Variants in SCAMP4 observed in about 807,000 individuals in gnomAD.
SCAMP4 encodes the protein secretory carrier membrane protein 4.
In SCAMP4, 19 loss-of-function variants were observed where a neutral mutation model predicts 32.1. That is an observed-to-expected ratio of 0.59 (90% CI 0.41 to 0.87). SCAMP4 has a LOEUF of 0.87. Ranked by LOEUF, SCAMP4 falls within the 40% of genes least tolerant of loss-of-function variation. SCAMP4 has a pLI of 0.00. For synonymous variants in SCAMP4, 152 were observed against 132.7 expected (o/e 1.15, Z -1.00); for missense variants, 302 against 309.0 (o/e 0.98, Z 0.17).
At chr19:1,913,293 TG>T in intron 1 of SCAMP4, 1 of 1,256,778 alleles carries the variant, frequency 8.0e-7, no homozygotes, top group Non-Finnish European at 1.1e-6. Context: ...GCACGGGTGC[TG>T]CCTTCCGTGC....
chr19:1,905,501 G>A (rs2013053590), intron 1 of SCAMP4, 62 bp downstream of exon 1: 3 of 424,260 alleles, frequency 7.1e-6, no homozygotes, highest in African/African-American at 2.1e-5. Flanking sequence ...AGGGGGAGTA[G>A]GGGCTGACAT....
intron 1 of SCAMP4, chr19:1,912,869 G>A (rs376361991): frequency 6.2e-7 from 1 of 1,600,744 alleles, no homozygotes; most frequent in South Asian, 1.1e-5. Flanking sequence ...CTGCCCCCCA[G>A]GCCGTCCGCG....
Position 1,923,001 on chromosome 19 carries a change from C to T in SCAMP4, c.396-69C>T, listed in dbSNP as rs912132765. 8 of 1,452,374 alleles carry T rather than the reference C, an allele frequency of 5.5e-6. No homozygotes were observed. In the East Asian group the frequency reaches 2.1e-4, roughly 39 times the overall value. The allele number at this position is 1,452,374 out of a possible 1,614,324, so 90.0% of individuals were successfully genotyped here. A position where few individuals can be genotyped will look rare whatever the true frequency, so the allele number is the denominator to read the frequency against. Reference sequence around the variant, plus strand: ...CCAGAGCTCTTTACATGGGGAGGACCATGGGCCGGACCATGGGCCCTCATC... The same window carrying T: ...CCAGAGCTCTTTACATGGGGAGGACTATGGGCCGGACCATGGGCCCTCATC... On this transcript the variant is annotated intron_variant, in intron 5 of 6. Coordinates refer to ENST00000316097, the MANE Select transcript of SCAMP4 (RefSeq NM_079834.4).
intron 1 of SCAMP4, chr19:1,913,183 C>T: frequency 6.8e-7 from 1 of 1,479,412 alleles, no homozygotes; most frequent in Non-Finnish European, 9.0e-7. Flanking sequence ...ACCCTTCCCG[C>T]TCCCGGCCGT....
At chr19:1,905,634 G>C (rs1420502136) in intron 1 of SCAMP4, 195 bp downstream of exon 1, 1 of 150,222 alleles carries the variant, frequency 6.7e-6, no homozygotes, top group Non-Finnish European at 1.5e-5. Context: ...GAATGCGCGT[G>C]CGCGCGCGCG....
intron 1 of SCAMP4, chr19:1,906,244 C>T (rs1041430959): frequency 2.0e-5 from 3 of 152,224 alleles, no homozygotes; most frequent in Admixed American, 6.6e-5. Flanking sequence ...CCTGTAAAAC[C>T]AGCTACTGGG....
At chr19:1,912,518 G>T (rs1386779254) in intron 1 of SCAMP4, 32 of 1,496,452 alleles carry the variant, frequency 2.1e-5, no homozygotes, top group Non-Finnish European at 2.8e-5. Flanking sequence ...AGTTCGAGGA[G>T]GCCCGGGCCC....
intron 2 of SCAMP4, among the ~76,000 whole-genome samples, chr19:1,917,072 G>A (rs1434121153): frequency 2.6e-5 from 4 of 152,236 alleles, no homozygotes; most frequent in African/African-American, 9.6e-5. Context: ...GGCAGAGGTG[G>A]GCGGATTATT....
At chr19:1,909,928 CTT>C (rs1473232448) in intron 1 of SCAMP4, among the ~76,000 whole-genome samples, 2 of 152,266 alleles carry the variant, frequency 1.3e-5, no homozygotes, top group African/African-American at 2.4e-5. Flanking sequence ...TGAGGTCTCT[CTT>C]TTCCTAGCCC....
rs112550592 is a variant in SCAMP4 at position 1,917,232 on chromosome 19, G to A, written c.8-462G>A. Among the ~76,000 whole-genome samples, 393 of 152,328 alleles carry A rather than the reference G, an allele frequency of 2.6e-3. 2 individuals carry two copies. Among genetic ancestry groups the A allele is most frequent in the South Asian group, 4.8e-3 (23 of 4,824 alleles). On this transcript the variant is annotated intron_variant, in intron 2 of 6. Coordinates refer to ENST00000316097, the MANE Select transcript of SCAMP4 (RefSeq NM_079834.4). ...GAGGCAGAAGAATCACTTGAGCTTG[G>A]GAGGCAGAGGCTGCAGTGAGCCGAG... is the stretch of plus-strand genomic sequence containing the variant.
intron 2 of SCAMP4, among the ~76,000 whole-genome samples, chr19:1,917,475 A>G (rs184200035): frequency 6.6e-6 from 1 of 152,134 alleles, no homozygotes; most frequent in African/African-American, 2.4e-5. Flanking sequence ...TCACAGCCTC[A>G]GCGCAGCCTC....
intron 4 of SCAMP4, chr19:1,918,553 GGA>G: frequency 1.9e-6 from 1 of 513,636 alleles, no homozygotes; most frequent in Non-Finnish European, 3.4e-6. Context: ...CCTGAGGTCA[GGA>G]GTTCAAGACC....
At chr19:1,915,311 G>A in intron 2 of SCAMP4, 1 of 544,286 alleles carries the variant, frequency 1.8e-6, no homozygotes, top group Non-Finnish European at 3.3e-6. Flanking sequence ...ATAGCAGCGG[G>A]CGTGTTCTCA....
chr19:1,918,631 G>A (rs1048905239), intron 4 of SCAMP4: 7 of 541,472 alleles, frequency 1.3e-5, no homozygotes, highest in African/African-American at 9.5e-5. Context: ...GCGTGGTTGC[G>A]GGCGCCTATA....
At chr19:1,917,575 C>A in intron 2 of SCAMP4, 119 bp from the exon 3 acceptor site, 1 of 1,123,350 alleles carries the variant, frequency 8.9e-7, no homozygotes, top group African/African-American at 1.5e-5. Context: ...TGCCCTCAAT[C>A]CCAACTGCAG....
rs570359517 is a variant in SCAMP4 at position 1,924,546 on chromosome 19, G to A, written c.*262G>A. On this transcript the variant is annotated 3_prime_UTR_variant, in exon 7 of 7. Coordinates refer to ENST00000316097, the MANE Select transcript of SCAMP4 (RefSeq NM_079834.4). ...AGGACGCCCTCTTGCTCCCGGAAAC[G>A]TGTGGTCACCCGCCGTCCACTGCAC... 33 of 517,750 alleles carry A rather than the reference G, an allele frequency of 6.4e-5. No individual in the cohort carries two copies. Among genetic ancestry groups the A allele is most frequent in the East Asian group, 9.8e-5 (3 of 30,692 alleles). 32.1% of individuals were successfully genotyped at this position (517,750 alleles called of 1,614,324 possible).
At chr19:1,905,516 G>A in intron 1 of SCAMP4, 77 bp downstream of exon 1, 1 of 378,346 alleles carries the variant, frequency 2.6e-6, no homozygotes. Flanking sequence ...TGACATGGGG[G>A]GTCTCGGCGG....
At chr19:1,913,193 T>TG (rs1355450207) in intron 1 of SCAMP4, 1 of 1,469,706 alleles carries the variant, frequency 6.8e-7, no homozygotes, top group Admixed American at 2.4e-5. Context: ...CTCCCGGCCG[T>TG]GGGGCGCCCC....
At chr19:1,913,030 C>A in intron 1 of SCAMP4, 1 of 1,604,158 alleles carries the variant, frequency 6.2e-7, no homozygotes, top group Non-Finnish European at 8.5e-7. Flanking sequence ...GGTGCGCCCT[C>A]GCCCGACGGC....
Sources: allele counts gnomAD v4.1 joint callset (sites outside exome capture counted in the v4.1 genomes callset), GRCh38; gene constraint gnomAD v4.1.1; transcripts MANE v1.5; gene names NCBI Gene and HGNC (gene_info 2026-07-23, HGNC 2026-07-21).